The following CRPPA variants were observed in gnomAD, a reference collection of about 807,000 sequenced individuals.
The protein encoded by CRPPA is CDP-L-ribitol pyrophosphorylase A.
CRPPA carries 43 observed loss-of-function variants against 52.0 expected under a neutral mutation model. That is an observed-to-expected ratio of 0.83 (90% confidence interval 0.65 to 1.07). The LOEUF is 1.07. Among genes scored for constraint, CRPPA ranks in the 50% least tolerant of loss-of-function variants. The pLI, the probability that CRPPA is intolerant of heterozygous loss-of-function variation, is 0.00. For synonymous variants in CRPPA, 250 were observed against 203.5 expected, an observed-to-expected ratio of 1.23 and a Z score of -1.94; for missense variants, 629 against 551.7, an observed-to-expected ratio of 1.14 and a Z score of -1.40.
chr7:16,248,289 T>G (rs1783336270), intron 8 of CRPPA, among the ~76,000 whole-genome samples: 1 of 152,082 alleles, frequency 6.6e-6, no homozygotes, highest in African/African-American at 2.4e-5. Context: ...CAGTGAGCCA[T>G]AATCATGTCA....
chr7:16,320,622 G>T (rs1785242578), intron 3 of CRPPA, among the ~76,000 whole-genome samples: 1 of 151,982 alleles, frequency 6.6e-6, no homozygotes, highest in Non-Finnish European at 1.5e-5. Flanking sequence ...CTAAATCAAA[G>T]GTATGCATGC....
At chr7:16,122,867 C>T (rs1056445473) in intron 9 of CRPPA, among the ~76,000 whole-genome samples, 1 of 151,996 alleles carries the variant, frequency 6.6e-6, no homozygotes, top group African/African-American at 2.4e-5. Context: ...TACTAATTTA[C>T]AATAATTATT....
chr7:16,356,419 G>A (rs1583544471), intron 3 of CRPPA, among the ~76,000 whole-genome samples: 1 of 152,282 alleles, frequency 6.6e-6, no homozygotes, highest in East Asian at 1.9e-4. Flanking sequence ...TGCTCTTGGA[G>A]GTGGGGGAGT....
chr7:16,328,397 C>G (rs1430659346), intron 3 of CRPPA, among the ~76,000 whole-genome samples: 1 of 152,058 alleles, frequency 6.6e-6, no homozygotes, highest in East Asian at 1.9e-4. Flanking sequence ...ATGAAAAGCA[C>G]TATATAAGCA....
chr7:16,387,072 T>TATATACACAC (rs1314715833), intron 2 of CRPPA, among the ~76,000 whole-genome samples: 4 of 71,990 alleles, frequency 5.6e-5, no homozygotes, highest in African/African-American at 2.5e-4. Flanking sequence ...TATATATATA[T>TATATACACAC]ATATATATAT....
intron 9 of CRPPA, among the ~76,000 whole-genome samples, chr7:16,095,046 A>C (rs2128362076): frequency 6.6e-6 from 1 of 152,328 alleles, no homozygotes; most frequent in South Asian, 2.1e-4. Context: ...ACACATATTA[A>C]TAATGGGAGA....
chr7:16,116,229 A>G (rs561781604), intron 9 of CRPPA, among the ~76,000 whole-genome samples: 52 of 152,290 alleles, frequency 3.4e-4, no homozygotes, highest in African/African-American at 1.3e-3. Context: ...GATATGATGC[A>G]CTGAGAAGGA....
In CRPPA at chr7:16,206,148, G is replaced by A. The variant is rs75706593; in HGVS notation, c.1251+9918C>T. Among the ~76,000 whole-genome samples the A allele has an allele frequency of 9.2e-5, 14 of 152,158 alleles. No homozygotes were observed. In the East Asian group the frequency reaches 2.5e-3, roughly 27 times the overall value. ...AAAATTGTATGTGGCTTAAGATTTA[G>A]TGACTGGTATATTTTCACAGAAGCA... is the stretch of plus-strand genomic sequence containing the variant. On this transcript the variant is annotated intron_variant, in intron 9 of 9. Coordinates refer to ENST00000407010, the MANE Select transcript of CRPPA (RefSeq NM_001101426.4).
chr7:16,306,186 T>A (rs1442492541), intron 4 of CRPPA, among the ~76,000 whole-genome samples: 2 of 152,178 alleles, frequency 1.3e-5, no homozygotes, highest in Non-Finnish European at 2.9e-5. Flanking sequence ...CTTGATTACA[T>A]CTGCAAAGAC....
chr7:16,191,757 T>C (rs1302396158), intron 9 of CRPPA, among the ~76,000 whole-genome samples: 1 of 152,134 alleles, frequency 6.6e-6, no homozygotes, highest in Non-Finnish European at 1.5e-5. Context: ...CTAAATGACA[T>C]CTTCCTAATG....
chr7:16,283,053 G>A (rs1417131688), intron 5 of CRPPA, among the ~76,000 whole-genome samples: 1 of 151,814 alleles, frequency 6.6e-6, no homozygotes, highest in East Asian at 1.9e-4. Context: ...CAAGATACTA[G>A]CCTATATTTT....
intron 9 of CRPPA, among the ~76,000 whole-genome samples, chr7:16,157,488 A>G (rs1217786651): frequency 6.6e-6 from 1 of 152,234 alleles, no homozygotes; most frequent in African/African-American, 2.4e-5. Flanking sequence ...TTGAGCTATT[A>G]CAATTGCATA....
intron 8 of CRPPA, among the ~76,000 whole-genome samples, chr7:16,238,255 C>T (rs1783002750): frequency 6.6e-6 from 1 of 151,994 alleles, no homozygotes; most frequent in Admixed American, 6.6e-5. Flanking sequence ...ATCAAATAAG[C>T]TCCATGTAGG....
At chr7:16,127,750 G>A (rs1268452169) in intron 9 of CRPPA, among the ~76,000 whole-genome samples, 1 of 152,008 alleles carries the variant, frequency 6.6e-6, no homozygotes, top group Non-Finnish European at 1.5e-5. Flanking sequence ...ATTAATAATT[G>A]CATCTCAAGA....
intron 4 of CRPPA, among the ~76,000 whole-genome samples, chr7:16,304,148 G>A (rs995940680): frequency 6.6e-6 from 1 of 152,064 alleles, no homozygotes; most frequent in African/African-American, 2.4e-5. Context: ...CAGACTAGAT[G>A]AAATCTCATC....
intron 3 of CRPPA, among the ~76,000 whole-genome samples, chr7:16,319,523 C>A (rs768410475): frequency 6.6e-6 from 1 of 152,096 alleles, no homozygotes; most frequent in Admixed American, 6.6e-5. Flanking sequence ...AGAACAAATT[C>A]TCCAATAGCT....
intron 2 of CRPPA, among the ~76,000 whole-genome samples, chr7:16,385,327 CA>C (rs1253651453): frequency 1.9e-4 from 29 of 151,914 alleles, no homozygotes; most frequent in African/African-American, 6.8e-4. Flanking sequence ...GTAGAAAAAT[CA>C]GAAAAAAATC....
intron 9 of CRPPA, among the ~76,000 whole-genome samples, chr7:16,130,967 A>G (rs1782670477): frequency 6.6e-6 from 1 of 152,214 alleles, no homozygotes; most frequent in South Asian, 2.1e-4. Flanking sequence ...CACACTGAGA[A>G]GATGACCATG....
intron 2 of CRPPA, among the ~76,000 whole-genome samples, chr7:16,402,393 T>G (rs1281854775): frequency 1.3e-5 from 2 of 152,184 alleles, no homozygotes; most frequent in African/African-American, 4.8e-5. Context: ...AAACACACCC[T>G]TATCCCATGT....
Sources: gnomAD v4.1 joint callset for allele counts (sites outside exome capture counted in the v4.1 genomes callset) on GRCh38, gnomAD v4.1.1 for gene constraint, MANE v1.5 for transcripts, NCBI Gene and HGNC (gene_info 2026-07-23, HGNC 2026-07-21) for gene names.